Variants in TIAM1 observed in about 807,000 individuals in gnomAD.
The protein encoded by TIAM1 is rho guanine nucleotide exchange factor TIAM1.
Under a neutral mutation model 163.5 loss-of-function variants are expected in TIAM1, and 65 were observed. That is an observed-to-expected ratio of 0.40 (90% CI 0.33 to 0.49). The LOEUF (loss-of-function observed/expected upper bound fraction) is 0.49. Ranked by LOEUF, TIAM1 falls within the 20% of genes least tolerant of loss-of-function variation. The pLI, the probability that TIAM1 is intolerant of heterozygous loss-of-function variation, is 0.77. For synonymous variants in TIAM1, 833 were observed against 810.1 expected, an observed-to-expected ratio of 1.03 and a Z score of -0.48; for missense variants, 1,789 against 2,044.7, an observed-to-expected ratio of 0.87 and a Z score of 2.41.
chr21:31,512,613 TTTTC>T (rs2047246561), intron 1 of TIAM1, among the ~76,000 whole-genome samples: 1 of 137,250 alleles, frequency 7.3e-6, no homozygotes, highest in Admixed American at 7.8e-5. Flanking sequence ...TTCTTTTTTC[TTTTC>T]TTTTTTTTTT....
chr21:31,219,001 C>T (rs1262342990), intron 8 of TIAM1, among the ~76,000 whole-genome samples: 1 of 149,876 alleles, frequency 6.7e-6, no homozygotes, highest in Non-Finnish European at 1.5e-5. Flanking sequence ...TTACAATGTG[C>T]CAGCAACCCA....
intron 2 of TIAM1, among the ~76,000 whole-genome samples, chr21:31,411,919 T>C (rs2147241702): frequency 6.6e-6 from 1 of 152,276 alleles, no homozygotes; most frequent in Non-Finnish European, 1.5e-5. Flanking sequence ...TCGTCAGCTC[T>C]TTTAAAGAAA....
intron 2 of TIAM1, among the ~76,000 whole-genome samples, chr21:31,324,292 G>T (rs1226199019): frequency 6.6e-6 from 1 of 151,662 alleles, no homozygotes; most frequent in Non-Finnish European, 1.5e-5. Flanking sequence ...GGCGGAGGTT[G>T]CAGTGAGCTT....
intron 2 of TIAM1, among the ~76,000 whole-genome samples, chr21:31,366,312 C>G (rs1241220663): frequency 6.6e-6 from 1 of 152,146 alleles, no homozygotes; most frequent in Non-Finnish European, 1.5e-5. Flanking sequence ...AACCAGTTAC[C>G]TTATTCTTGC....
chr21:31,393,030 A>T (rs1030048918), intron 2 of TIAM1, among the ~76,000 whole-genome samples: 2 of 150,504 alleles, frequency 1.3e-5, no homozygotes, highest in African/African-American at 4.9e-5. Context: ...ATGTCAGCTC[A>T]CAGCAACTTC....
At chr21:31,196,802 T>C (rs1386638350) in intron 12 of TIAM1, among the ~76,000 whole-genome samples, 2 of 152,150 alleles carry the variant, frequency 1.3e-5, no homozygotes, top group Non-Finnish European at 2.9e-5. Flanking sequence ...GTATGTTCAT[T>C]GCAGCACTAT....
intron 12 of TIAM1, among the ~76,000 whole-genome samples, chr21:31,196,380 C>T (rs1160007900): frequency 6.6e-5 from 10 of 150,706 alleles, no homozygotes; most frequent in South Asian, 2.1e-4. Flanking sequence ...GGCGCGATCT[C>T]GGCTCACTGC....
At chr21:31,186,322 G>T (rs1305838090) in intron 14 of TIAM1, among the ~76,000 whole-genome samples, 1 of 152,188 alleles carries the variant, frequency 6.6e-6, no homozygotes, top group African/African-American at 2.4e-5. Context: ...AGCTCTGCAG[G>T]CTCAGGCAAT....
intron 10 of TIAM1, 105 bp from the exon 11 acceptor site, chr21:31,210,320 G>A: frequency 8.1e-7 from 1 of 1,237,436 alleles, no homozygotes; most frequent in Non-Finnish European, 1.1e-6. Flanking sequence ...AAACAGCCCA[G>A]GGCAGAAGCG....
At chr21:31,457,581 A>G (rs942332214) in intron 2 of TIAM1, among the ~76,000 whole-genome samples, 1 of 152,242 alleles carries the variant, frequency 6.6e-6, no homozygotes, top group Non-Finnish European at 1.5e-5. Context: ...GAGACCACAA[A>G]TGTAGATGAC....
At chr21:31,144,896 A>G (rs1264226479) in intron 20 of TIAM1, among the ~76,000 whole-genome samples, 1 of 151,106 alleles carries the variant, frequency 6.6e-6, no homozygotes, top group Non-Finnish European at 1.5e-5. Flanking sequence ...GTTTTAAGGG[A>G]TAGTTTTGAA....
chr21:31,206,995 T>C (rs756489547), intron 11 of TIAM1, among the ~76,000 whole-genome samples: 9 of 152,086 alleles, frequency 5.9e-5, no homozygotes, highest in Non-Finnish European at 1.3e-4. Flanking sequence ...TCCCTCCCCT[T>C]CAAAGTAACC....
chr21:31,119,284 T>A lies in TIAM1; in HGVS notation c.*1084A>T, dbSNP rs1354508621. 2 of 152,578 alleles carry A rather than the reference T, an allele frequency of 1.3e-5. No individual in the cohort carries two copies. Among genetic ancestry groups the A allele is most frequent in the Non-Finnish European group, 2.9e-5 (2 of 68,046 alleles). 9.5% of individuals were successfully genotyped at this position (152,578 alleles called of 1,614,324 possible). A position where few individuals can be genotyped will look rare whatever the true frequency, so the allele number is the denominator to read the frequency against. ...TCTGTTTAAAGGTTTGGTTATGGAC[T>A]GTCAGGGAAGGGGAAGGTAATCTAT... On this transcript the variant is annotated 3_prime_UTR_variant, in exon 28 of 28. Coordinates refer to ENST00000541036, the MANE Select transcript of TIAM1 (RefSeq NM_001353694.2).
At chr21:31,225,284 A>G (rs2087886178) in intron 7 of TIAM1, among the ~76,000 whole-genome samples, 2 of 152,156 alleles carry the variant, frequency 1.3e-5, no homozygotes, top group Admixed American at 6.5e-5. Flanking sequence ...TACAGGCATG[A>G]GCCGCCACAC....
chr21:31,384,816 C>T (rs1324109464), intron 2 of TIAM1, among the ~76,000 whole-genome samples: 1 of 152,098 alleles, frequency 6.6e-6, no homozygotes, highest in African/African-American at 2.4e-5. Context: ...CATGGAAAAC[C>T]ATGTTTCATC....
chr21:31,499,685 A>T (rs1447032721), intron 1 of TIAM1, among the ~76,000 whole-genome samples: 2 of 151,964 alleles, frequency 1.3e-5, no homozygotes, highest in African/African-American at 2.4e-5. Flanking sequence ...CCCCATCTCT[A>T]CTAAAAATAC....
intron 2 of TIAM1, among the ~76,000 whole-genome samples, chr21:31,292,936 A>C (rs1412607985): frequency 1.3e-5 from 2 of 149,604 alleles, no homozygotes; most frequent in Non-Finnish European, 3.0e-5. Context: ...TGATCCACCT[A>C]CCTCAGCTTC....
intron 9 of TIAM1, among the ~76,000 whole-genome samples, chr21:31,214,161 T>C (rs962158910): frequency 2.0e-5 from 3 of 151,858 alleles, no homozygotes; most frequent in Admixed American, 1.3e-4. Context: ...CCTGTCTCTA[T>C]AAAAAATTTG....
At chr21:31,360,852 C>T (rs193230126) in intron 2 of TIAM1, among the ~76,000 whole-genome samples, 7 of 152,212 alleles carry the variant, frequency 4.6e-5, no homozygotes, top group African/African-American at 1.4e-4. Context: ...AAATTCAAAC[C>T]AGGAAATCCA....
Sources: gnomAD v4.1 joint callset for allele counts (sites outside exome capture counted in the v4.1 genomes callset) on GRCh38, gnomAD v4.1.1 for gene constraint, MANE v1.5 for transcripts, NCBI Gene and HGNC (gene_info 2026-07-23, HGNC 2026-07-21) for gene names.